VDAC2: variants seen among roughly 807,000 people sequenced by gnomAD.
The protein encoded by VDAC2 is voltage dependent anion channel 2.
In VDAC2, 6 loss-of-function variants were observed where a neutral mutation model predicts 36.6. The ratio of observed to expected loss-of-function variants is 0.16; its 90% CI spans 0.09 to 0.32. VDAC2 has a LOEUF of 0.32. VDAC2 is among the 10% of genes least tolerant of loss of function. VDAC2 has a pLI of 1.00. For synonymous variants in VDAC2, 109 were observed against 123.8 expected (o/e 0.88, Z 0.79); for missense variants, 247 against 346.0 (o/e 0.71, Z 2.27).
chr10:75,212,471 G>A (rs1841456238), intron 3 of VDAC2, among the ~76,000 whole-genome samples, 173 bp downstream of exon 3: 1 of 152,148 alleles, frequency 6.6e-6, no homozygotes, highest in Non-Finnish European at 1.5e-5. Flanking sequence ...GGATGCAGTG[G>A]CATGATTATA....
intron 4 of VDAC2, among the ~76,000 whole-genome samples, chr10:75,214,591 T>C (rs1455867391): frequency 6.6e-6 from 1 of 152,078 alleles, no homozygotes; most frequent in Non-Finnish European, 1.5e-5. Context: ...ATGGTGTGAT[T>C]GTGGCTCACT....
chr10:75,222,993 T>C (rs1181345349), intron 8 of VDAC2, among the ~76,000 whole-genome samples: 1 of 151,378 alleles, frequency 6.6e-6, no homozygotes, highest in Non-Finnish European at 1.5e-5. Context: ...TTTTTTTTTT[T>C]TTCTTTTTTG....
At chr10:75,225,240 G>T (rs1009966190) in intron 8 of VDAC2, among the ~76,000 whole-genome samples, 2 of 152,182 alleles carry the variant, frequency 1.3e-5, no homozygotes, top group Admixed American at 6.5e-5. Flanking sequence ...CAAGGGAAAA[G>T]AAAGCTGGTA....
At chr10:75,222,156 TG>T (rs1841832125) in intron 7 of VDAC2, 95 bp from the exon 8 acceptor site, 1 of 1,332,982 alleles carries the variant, frequency 7.5e-7, no homozygotes, top group Non-Finnish European at 1.0e-6. Flanking sequence ...ACTTGAGCTG[TG>T]GTTTTTTATT....
intron 8 of VDAC2, 116 bp downstream of exon 8, chr10:75,222,518 G>C (rs994721265): frequency 7.2e-7 from 1 of 1,381,776 alleles, no homozygotes; most frequent in Non-Finnish European, 9.9e-7. Flanking sequence ...TTTACAGATA[G>C]ATTAGTTTTA....
chr10:75,217,267 C>T (rs1247470017), intron 4 of VDAC2, among the ~76,000 whole-genome samples: 5 of 152,038 alleles, frequency 3.3e-5, no homozygotes, highest in South Asian at 4.1e-4. Context: ...CAAAAAAAAC[C>T]GCAAAATGTT....
rs1841726924 is a variant in VDAC2 at position 75,219,360 on chromosome 10, A to G, written c.356+4A>G. On this transcript the variant is annotated splice_donor_region_variant and intron_variant, in intron 6 of 9. Transcript: ENST00000332211. ...CTACCTTCTCACCAAACACAGGGTA[A>G]GCACAGACATTTTTATCTGTATTAC... 2.5e-6 allele frequency: 4 copies of G among 1,591,544 alleles called. No individual in the cohort carries two copies. Among genetic ancestry groups the G allele is most frequent in the Non-Finnish European group, 3.4e-6 (4 of 1,167,608 alleles).
chr10:75,211,677 T>A (rs1284407226), intron 2 of VDAC2: 2 of 1,550,554 alleles, frequency 1.3e-6, no homozygotes, highest in Non-Finnish European at 8.7e-7. Flanking sequence ...TGAAGCGCTA[T>A]TTGATATTTA....
chr10:75,225,668 G>A (rs1333537139), intron 8 of VDAC2, among the ~76,000 whole-genome samples: 1 of 152,140 alleles, frequency 6.6e-6, no homozygotes, highest in Non-Finnish European at 1.5e-5. Flanking sequence ...TTTCCCCTAG[G>A]CATGGGGGTG....
chr10:75,228,195 A>G (rs1050958080), intron 8 of VDAC2, among the ~76,000 whole-genome samples: 9 of 149,022 alleles, frequency 6.0e-5, no homozygotes, highest in South Asian at 4.3e-4. Flanking sequence ...CGCCTGGCCA[A>G]TAATAGGAAT....
rs551532799 is a variant in VDAC2 at position 75,219,598 on chromosome 10, C to T, written c.356+242C>T. ...TCCTGGGTTCAAGCGATTCTTCTGC[C>T]TCTGCCTCCCTGAGTAGCTGGGACT... On this transcript the variant is annotated intron_variant, in intron 6 of 9. Coordinates refer to ENST00000332211, the MANE Select transcript of VDAC2 (RefSeq NM_001391963.1). Among the ~76,000 whole-genome samples, 136 of 152,192 alleles carry T rather than the reference C, an allele frequency of 8.9e-4. No individual in the cohort carries two copies. In the South Asian group the frequency reaches 0.011, roughly 12 times the overall value.
At chr10:75,229,493 C>T in intron 8 of VDAC2, 151 bp from the exon 9 acceptor site, 4 of 549,596 alleles carry the variant, frequency 7.3e-6, no homozygotes, top group Non-Finnish European at 1.3e-5. Context: ...TTAAATAGTA[C>T]CTGGTTTGTT....
intron 2 of VDAC2, 67 bp from the exon 3 acceptor site, chr10:75,212,163 G>T (rs181175347): frequency 7.1e-7 from 1 of 1,407,914 alleles, no homozygotes; most frequent in East Asian, 2.3e-5. Flanking sequence ...AGTGGGTCAT[G>T]CTCTTGTTCT....
rs1318247125 is a variant in VDAC2 at position 75,222,387 on chromosome 10, C to T, written c.720C>T (p.Pro240=). 4.3e-6 allele frequency: 7 copies of T among 1,613,988 alleles called. No individual in the cohort carries two copies. The highest frequency in any genetic ancestry group is 5.9e-6 in the Non-Finnish European group (7 of 1,180,006). Residue 240 remains proline (P), a synonymous_variant, in exon 8 of 10, where the codon CCC becomes CCT. Transcript: ENST00000332211. ...FGIAAKYQLD[P]TASISAKVNN... is the part of the protein sequence containing the mutation. ...TTGCAGCTAAATATCAGTTGGATCC[C>T]ACTGCTTCCATTTCTGTGAGTACTT...
chr10:75,217,099 A>T (rs962504218), intron 4 of VDAC2, among the ~76,000 whole-genome samples: 6 of 152,066 alleles, frequency 3.9e-5, no homozygotes, highest in Admixed American at 2.0e-4. Flanking sequence ...CTACAAAAAA[A>T]TTTAAAAATT....
chr10:75,211,468 T>C, intron 2 of VDAC2: 2 of 1,508,522 alleles, frequency 1.3e-6, no homozygotes, highest in Non-Finnish European at 1.8e-6. Context: ...TAATTGGGGA[T>C]TCTGCCTTTG....
intron 2 of VDAC2, chr10:75,211,699 C>T (rs1476281795): frequency 2.6e-6 from 4 of 1,547,508 alleles, no homozygotes; most frequent in Non-Finnish European, 3.5e-6. Flanking sequence ...TTGATGTAGA[C>T]ATTTGAGTGA....
chr10:75,211,298 T>G, intron 2 of VDAC2, 109 bp downstream of exon 2: 10 of 1,493,464 alleles, frequency 6.7e-6, no homozygotes, highest in Non-Finnish European at 9.1e-6. Context: ...GAAATTCGGC[T>G]GCTTTTGGTG....
At position 75,214,103 on chromosome 10, in the gene VDAC2, C is replaced by T. The variant is rs777899880; in HGVS notation, c.150+33C>T. The T allele has an allele frequency of 5.6e-6, 9 of 1,602,586 alleles. No individual in the cohort carries two copies. The Admixed American group carries it at 6.7e-5, about 12-fold the overall frequency. Reference sequence around the variant, plus strand: ...TTACTGTTGAATAAGTTCTATTGAACCTTTATAATTTTTCAACTTGTAAAA... The same window carrying T: ...TTACTGTTGAATAAGTTCTATTGAATCTTTATAATTTTTCAACTTGTAAAA... On this transcript the variant is annotated intron_variant, in intron 4 of 9. Transcript: ENST00000332211.
Sources: gnomAD v4.1 joint callset for allele counts (sites outside exome capture counted in the v4.1 genomes callset) on GRCh38, gnomAD v4.1.1 for gene constraint, MANE v1.5 for transcripts, NCBI Gene and HGNC (gene_info 2026-07-23, HGNC 2026-07-21) for gene names.